Variants in CYB5R4 observed in about 807,000 individuals in gnomAD.
CYB5R4 encodes the protein cytochrome b5 reductase 4.
A neutral mutation model predicts 70.2 loss-of-function variants in CYB5R4; 55 were observed. The ratio of observed to expected loss-of-function variants is 0.78; its 90% CI spans 0.63 to 0.98. CYB5R4 has a LOEUF of 0.98. Ranked by LOEUF, CYB5R4 falls within the 50% of genes least tolerant of loss-of-function variation. The pLI is 0.00. For synonymous variants in CYB5R4, 197 were observed against 199.5 expected, an observed-to-expected ratio of 0.99 and a Z score of 0.11; for missense variants, 562 against 612.6, an observed-to-expected ratio of 0.92 and a Z score of 0.87.
intron 14 of CYB5R4, among the ~76,000 whole-genome samples, chr6:83,949,169 G>C (rs1234182594): frequency 6.9e-6 from 1 of 144,948 alleles, no homozygotes; most frequent in African/African-American, 2.6e-5. Flanking sequence ...AAAACAAAAT[G>C]ACCATGCCTG....
Position 83,909,002 on chromosome 6 carries a change from A to C in CYB5R4, c.331-7A>C. The C allele has an allele frequency of 1.2e-6, 2 of 1,612,820 alleles. No individual in the cohort carries two copies. Among genetic ancestry groups the C allele is most frequent in the Middle Eastern group, 1.7e-4 (1 of 6,054 alleles). ...GTTGCTTTTCCATCATTTGTTTTAC[A>C]TACCAGGTTCATCGTTGGGTCAATT... On this transcript the variant is annotated splice_region_variant and splice_polypyrimidine_tract_variant and intron_variant, in intron 3 of 15. Coordinates refer to ENST00000369681, the MANE Select transcript of CYB5R4 (RefSeq NM_016230.4).
chr6:83,901,399 C>T (rs764826036), intron 3 of CYB5R4, among the ~76,000 whole-genome samples: 50 of 152,140 alleles, frequency 3.3e-4, no homozygotes, highest in Non-Finnish European at 6.6e-4. Flanking sequence ...AACATTTTTT[C>T]CTTCATTTCA....
intron 14 of CYB5R4, among the ~76,000 whole-genome samples, chr6:83,951,823 G>C (rs963880073): frequency 1.3e-5 from 2 of 152,246 alleles, no homozygotes; most frequent in African/African-American, 4.8e-5. Context: ...TGGGTCAAAT[G>C]GTCTTTCTGG....
At chr6:83,873,619 T>C (rs1371946297) in intron 2 of CYB5R4, among the ~76,000 whole-genome samples, 1 of 152,228 alleles carries the variant, frequency 6.6e-6, no homozygotes, top group African/African-American at 2.4e-5. Flanking sequence ...TCATAAAATA[T>C]AGAGAAGACA....
At position 83,861,438 on chromosome 6, in the gene CYB5R4, A is replaced by G. The variant is rs550284667; in HGVS notation, c.75+1581A>G. ...TCGTGTATTATACAAAAGGTTCTCA[A>G]ATAGTGTTGTTTCATTCAACAGCAT... On this transcript the variant is annotated intron_variant, in intron 1 of 15. Coordinates refer to ENST00000369681, the MANE Select transcript of CYB5R4 (RefSeq NM_016230.4). 2.4e-4 allele frequency among the ~76,000 whole-genome samples: 37 copies of G among 152,362 alleles called. No individual in the cohort carries two copies. In the South Asian group the frequency reaches 7.7e-3, roughly 32 times the overall value.
chr6:83,952,253 G>A (rs192286600), intron 14 of CYB5R4, among the ~76,000 whole-genome samples: 111 of 152,272 alleles, frequency 7.3e-4, no homozygotes, highest in African/African-American at 2.6e-3. Context: ...CTCACTCCCT[G>A]CAAAATGTGC....
At chr6:83,912,632 C>T (rs1299310396) in intron 4 of CYB5R4, among the ~76,000 whole-genome samples, 1 of 152,184 alleles carries the variant, frequency 6.6e-6, no homozygotes, top group Admixed American at 6.5e-5. Flanking sequence ...TTTGATTGGC[C>T]ATGGAGCCAA....
intron 1 of CYB5R4, among the ~76,000 whole-genome samples, chr6:83,861,362 G>C (rs147168874): frequency 2.0e-3 from 304 of 152,326 alleles, no homozygotes; most frequent in Non-Finnish European, 3.4e-3. Flanking sequence ...AACTGAGTCA[G>C]GTTTGGATGA....
At chr6:83,913,265 A>G (rs1335724433) in intron 4 of CYB5R4, among the ~76,000 whole-genome samples, 2 of 152,228 alleles carry the variant, frequency 1.3e-5, no homozygotes, top group African/African-American at 2.4e-5. Context: ...GTGGCAGTTG[A>G]TAAACAAAGC....
At chr6:83,940,646 G>A in intron 14 of CYB5R4, 45 bp downstream of exon 14, 1 of 1,562,680 alleles carries the variant, frequency 6.4e-7, no homozygotes, top group South Asian at 1.2e-5. Context: ...TTATACCTGG[G>A]TAGTAAGTCT....
chr6:83,875,236 G>A (rs2099458345), intron 2 of CYB5R4, among the ~76,000 whole-genome samples: 1 of 152,194 alleles, frequency 6.6e-6, no homozygotes, highest in South Asian at 2.1e-4. Context: ...TGAGGCATGT[G>A]TAGATTTTGA....
intron 2 of CYB5R4, among the ~76,000 whole-genome samples, chr6:83,891,783 A>G (rs185004990): frequency 3.9e-5 from 6 of 152,324 alleles, no homozygotes; most frequent in Admixed American, 3.3e-4. Context: ...GTAAAGGGCT[A>G]GCAGGTTAGC....
chr6:83,877,187 C>T (rs567804922), intron 2 of CYB5R4, among the ~76,000 whole-genome samples: 1 of 152,180 alleles, frequency 6.6e-6, no homozygotes, highest in Non-Finnish European at 1.5e-5. Context: ...CACTTTTTTT[C>T]TGAAATGTCT....
intron 2 of CYB5R4, among the ~76,000 whole-genome samples, chr6:83,888,801 T>G (rs13208120): frequency 0.16 from 24,046 of 152,206 alleles, 3,766 homozygotes; most frequent in African/African-American, 0.39. Flanking sequence ...AGCTGAAAAA[T>G]GCTGAAAGCT....
At chr6:83,942,794 T>C (rs1422151156) in intron 14 of CYB5R4, among the ~76,000 whole-genome samples, 1 of 151,974 alleles carries the variant, frequency 6.6e-6, no homozygotes, top group Non-Finnish European at 1.5e-5. Context: ...GCGTCCACCA[T>C]TACTGAGGCT....
intron 14 of CYB5R4, among the ~76,000 whole-genome samples, chr6:83,941,231 T>C (rs2099469713): frequency 6.6e-6 from 1 of 152,190 alleles, no homozygotes; most frequent in Non-Finnish European, 1.5e-5. Context: ...TGAAAACTTA[T>C]TTTATTGATT....
chr6:83,934,122 C>T (rs1006508841), intron 10 of CYB5R4, among the ~76,000 whole-genome samples: 2 of 151,472 alleles, frequency 1.3e-5, no homozygotes, highest in Non-Finnish European at 2.9e-5. Flanking sequence ...TAGAATGTAC[C>T]GTGGCTCATG....
At chr6:83,900,712 C>T (rs914673998) in intron 3 of CYB5R4, among the ~76,000 whole-genome samples, 1 of 152,106 alleles carries the variant, frequency 6.6e-6, no homozygotes, top group African/African-American at 2.4e-5. Context: ...ATCCCTTTAC[C>T]ATTATGTAAT....
intron 2 of CYB5R4, among the ~76,000 whole-genome samples, chr6:83,878,244 A>G (rs951224468): frequency 2.6e-5 from 4 of 152,148 alleles, no homozygotes; most frequent in Non-Finnish European, 5.9e-5. Flanking sequence ...AAAAAAATCA[A>G]TCATAGGTAT....
Sources: gnomAD v4.1 joint callset for allele counts (sites outside exome capture counted in the v4.1 genomes callset) on GRCh38, gnomAD v4.1.1 for gene constraint, MANE v1.5 for transcripts, NCBI Gene and HGNC (gene_info 2026-07-23, HGNC 2026-07-21) for gene names.